The following ZBTB1 variants were observed in gnomAD, a reference collection of about 807,000 sequenced individuals.
ZBTB1 encodes the protein zinc finger and BTB domain containing 1.
Under a neutral mutation model 51.6 loss-of-function variants are expected in ZBTB1, and 13 were observed. That is an observed-to-expected ratio of 0.25 (90% CI 0.16 to 0.40). The LOEUF (loss-of-function observed/expected upper bound fraction) is 0.40, where lower values mean the gene tolerates loss of function less well. Among genes scored for constraint, ZBTB1 ranks in the 10% least tolerant of loss-of-function variants. ZBTB1 has a pLI of 1.00. For synonymous variants in ZBTB1, 240 were observed against 282.2 expected (o/e 0.85, Z 1.50); for missense variants, 567 against 856.5 (o/e 0.66, Z 4.22).
chr14:64,524,311 CTTATA>C lies in ZBTB1; in HGVS notation c.*669_*673del, dbSNP rs946547276. The C allele has an allele frequency of 1.0e-4, 96 of 943,938 alleles. No individual in the cohort carries two copies. The highest frequency in any genetic ancestry group is 1.2e-4 in the African/African-American group (7 of 56,200). 58.5% of individuals were successfully genotyped at this position (943,938 alleles called of 1,614,324 possible). A position where few individuals can be genotyped will look rare whatever the true frequency, so the allele number is the denominator to read the frequency against. ...TATCATTTAATTATCACATTTAAAA[CTTATA>C]TTAAGTGTAAATTCCAGTGGCTTTA... On this transcript the variant is annotated 3_prime_UTR_variant, in exon 2 of 2. Transcript: ENST00000683701.
chr14:64,530,931 G>A (rs2079937846), intron 2 of ZBTB1, among the ~76,000 whole-genome samples: 1 of 152,126 alleles, frequency 6.6e-6, no homozygotes, highest in Non-Finnish European at 1.5e-5. Flanking sequence ...ATTGTATTAA[G>A]TGAAAACACA....
chr14:64,524,149 A>G lies in ZBTB1; in HGVS notation c.*503A>G, dbSNP rs888205472. The stretch of plus-strand genomic sequence containing the variant: ...TTATTAATGAAATTCATATTCTTAA[A>G]TTGACAAGCTTATTAGGCAAGTTAG... On this transcript the variant is annotated 3_prime_UTR_variant, in exon 2 of 2. Coordinates refer to ENST00000683701, the MANE Select transcript of ZBTB1 (RefSeq NM_001123329.2). The G allele has an allele frequency of 1.6e-5, 16 of 985,118 alleles. No individual in the cohort carries two copies. Among genetic ancestry groups the G allele is most frequent in the South Asian group, 4.7e-5 (1 of 21,290 alleles). 61.0% of individuals were successfully genotyped at this position (985,118 alleles called of 1,614,324 possible).
At chr14:64,518,711 G>A (rs1337941974) in intron 1 of ZBTB1, among the ~76,000 whole-genome samples, 2 of 151,808 alleles carry the variant, frequency 1.3e-5, no homozygotes, top group Non-Finnish European at 2.9e-5. Flanking sequence ...AGATTCTGAA[G>A]CTTTATGTAT....
intron 1 of ZBTB1, among the ~76,000 whole-genome samples, chr14:64,511,633 G>C (rs978809161): frequency 6.6e-6 from 1 of 152,178 alleles, no homozygotes; most frequent in African/African-American, 2.4e-5. Flanking sequence ...TTTTCAATGA[G>C]TTTTTGTCTA....
chr14:64,521,681 T>A lies in ZBTB1; in HGVS notation c.177T>A (p.Ser59Arg), dbSNP rs1476035233. The A allele has an allele frequency of 1.1e-5, 18 of 1,614,086 alleles. No individual in the cohort carries two copies. Among genetic ancestry groups the A allele is most frequent in the Non-Finnish European group, 1.4e-5 (16 of 1,180,050 alleles). Residue 59 changes from serine (S) to arginine (R), a missense_variant, in exon 2 of 2, where the codon AGT becomes AGA. Around this residue, in one of 5 missense-constraint regions of ZBTB1, gnomAD observed 69 missense variants for 136.4 expected, o/e 0.51. Transcript: ENST00000683701. ...FRMFFMNHQH[S>R]TAQLNLSNMK... The stretch of plus-strand genomic sequence containing the variant: ...TGTTTTTCATGAACCATCAGCATAG[T>A]ACTGCACAACTGAATCTCAGCAACA...
chr14:64,519,457 A>G (rs2079835634), intron 1 of ZBTB1, among the ~76,000 whole-genome samples: 2 of 136,978 alleles, frequency 1.5e-5, no homozygotes, highest in Non-Finnish European at 3.3e-5. Context: ...TCTTTTAACA[A>G]TTAAAAAAAA....
rs1266930086 is a variant in ZBTB1 at position 64,522,031 on chromosome 14, A to G, written c.527A>G (p.Asp176Gly). The change falls in exon 2 of 2, where the codon GAT (aspartate) becomes GGT (glycine). Residue 176 changes from aspartate to glycine, a missense_variant. Asp to Gly is a moderately conservative substitution (Grantham distance 94). Transcript: ENST00000683701. Reference protein sequence around the residue: ...TVNTPHNREADEESLQLGNFP... With the variant: ...TVNTPHNREAGEESLQLGNFP... ...AATACACCACATAATAGAGAGGCTG[A>G]TGAAGAGTCTTTACAATTAGGTAAT... 6.2e-7 allele frequency: 1 copy of G among 1,614,138 alleles called. No homozygotes were observed. Among genetic ancestry groups the G allele is most frequent in the Non-Finnish European group, 8.5e-7 (1 of 1,180,058 alleles).
intron 1 of ZBTB1, among the ~76,000 whole-genome samples, chr14:64,505,752 C>G (rs1378925960): frequency 6.6e-6 from 1 of 152,160 alleles, no homozygotes; most frequent in East Asian, 1.9e-4. Context: ...GATGAAAATC[C>G]TTGACGTTTT....
At chr14:64,525,498 A>G (rs74056453), downstream of ZBTB1, among the ~76,000 whole-genome samples, 1,325 of 152,318 alleles carry the variant, frequency 8.7e-3, 16 homozygotes, top group African/African-American at 0.03. Context: ...TGGTATAAAG[A>G]GATCAGATAA....
At chr14:64,526,521 T>G (rs2079905113), downstream of ZBTB1, among the ~76,000 whole-genome samples, 1 of 152,206 alleles carries the variant, frequency 6.6e-6, no homozygotes, top group Non-Finnish European at 1.5e-5. Flanking sequence ...TTCTGTCTCA[T>G]GAACACCATG....
chr14:64,523,703 G>C lies in ZBTB1; in HGVS notation c.*57G>C. On this transcript the variant is annotated 3_prime_UTR_variant, in exon 2 of 2. Transcript: ENST00000683701. The surrounding 1 kb of genome is among the most constrained non-coding windows in gnomAD (Gnocchi z 4.5). ...TAGCAGATAAAACACCAAAGCAAAGGATATGAGCTATTTAGGAATTGATTA... is the reference window on the plus strand; with the variant it reads ...TAGCAGATAAAACACCAAAGCAAAGCATATGAGCTATTTAGGAATTGATTA... 1.4e-6 allele frequency: 2 copies of C among 1,464,112 alleles called. No individual in the cohort carries two copies. The highest frequency in any genetic ancestry group is 1.8e-6 in the Non-Finnish European group (2 of 1,106,676). 90.7% of individuals were successfully genotyped at this position (1,464,112 alleles called of 1,614,324 possible). A position where few individuals can be genotyped will look rare whatever the true frequency, so the allele number is the denominator to read the frequency against.
intron 2 of ZBTB1, among the ~76,000 whole-genome samples, chr14:64,531,011 A>C (rs1296051561): frequency 6.6e-6 from 1 of 152,200 alleles, no homozygotes; most frequent in Non-Finnish European, 1.5e-5. Context: ...GGATATTAAT[A>C]ATTTTATGTG....
At chr14:64,519,024 A>T (rs2079829205) in intron 1 of ZBTB1, among the ~76,000 whole-genome samples, 1 of 149,918 alleles carries the variant, frequency 6.7e-6, no homozygotes, top group African/African-American at 2.4e-5. Context: ...AACTATGTAC[A>T]TGTGCATCTC....
chr14:64,521,983 G>T lies in ZBTB1; in HGVS notation c.479G>T (p.Cys160Phe). 1 of 1,614,226 alleles carries T rather than the reference G, an allele frequency of 6.2e-7. No individual in the cohort carries two copies. Among genetic ancestry groups the T allele is most frequent in the African/African-American group, 1.3e-5 (1 of 75,062 alleles). The change falls in exon 2 of 2, where the codon TGT becomes TTT. Residue 160 changes from cysteine (C) to phenylalanine (F), a missense_variant. Cys to Phe is a radical substitution (Grantham distance 205). Coordinates refer to ENST00000683701, the MANE Select transcript of ZBTB1 (RefSeq NM_001123329.2). The part of the protein sequence containing the change: ...ARNGNEANRW[C>F]AEPSSTVNTP... Reference sequence around the variant, plus strand: ...AATGGCAATGAAGCCAACAGGTGGTGTGCAGAGCCAAGTTCAACGGTAAAT... The same window carrying T: ...AATGGCAATGAAGCCAACAGGTGGTTTGCAGAGCCAAGTTCAACGGTAAAT...
intron 1 of ZBTB1, among the ~76,000 whole-genome samples, chr14:64,507,090 C>T (rs1054871108): frequency 1.3e-5 from 2 of 152,148 alleles, no homozygotes; most frequent in African/African-American, 2.4e-5. Context: ...CCAGGAAAAG[C>T]ACTAAGCCTT....
chr14:64,525,624 T>C (rs181811952), downstream of ZBTB1, among the ~76,000 whole-genome samples: 114 of 152,302 alleles, frequency 7.5e-4, 1 homozygote, highest in Admixed American at 5.2e-4. Context: ...TGTTAAAGAA[T>C]AGGGCTTTTT....
At chr14:64,521,159 G>A (rs1244338162) in intron 1 of ZBTB1, among the ~76,000 whole-genome samples, 1 of 152,056 alleles carries the variant, frequency 6.6e-6, no homozygotes, top group African/African-American at 2.4e-5. Context: ...CACTGCACTC[G>A]GCCTCCTTCA....
At chr14:64,503,827 C>T (rs202212212), upstream of ZBTB1, 783 of 158,040 alleles carry the variant, frequency 5.0e-3, 25 homozygotes, top group Admixed American at 0.038. Context: ...TGTCTGGTAG[C>T]AGGGGAAAGA....
At chr14:64,528,861 CTATG>C (rs1264496916), downstream of ZBTB1, among the ~76,000 whole-genome samples, 4 of 152,170 alleles carry the variant, frequency 2.6e-5, no homozygotes, top group Non-Finnish European at 5.9e-5. Context: ...CACACAGAAA[CTATG>C]TATCTTAGAA....
Sources: gnomAD v4.1 joint callset for allele counts (sites outside exome capture counted in the v4.1 genomes callset) on GRCh38, gnomAD v4.1.1 for gene constraint, gnomAD v4.1.1 regional missense constraint, Gnocchi (gnomAD v3.1) non-coding constraint, MANE v1.5 for transcripts, NCBI Gene and HGNC (gene_info 2026-07-23, HGNC 2026-07-21) for gene names.